Variants in PDE10A observed in about 807,000 individuals in gnomAD.
The protein encoded by PDE10A is cAMP and cAMP-inhibited cGMP 3',5'-cyclic phosphodiesterase 10A.
In PDE10A, 39 loss-of-function variants were observed where a neutral mutation model predicts 97.7. That is an observed-to-expected ratio of 0.40 (90% CI 0.31 to 0.52). The LOEUF (loss-of-function observed/expected upper bound fraction) is 0.52. Among genes scored for constraint, PDE10A ranks in the 20% least tolerant of loss-of-function variants. PDE10A has a pLI of 0.56. For synonymous variants in PDE10A, 371 were observed against 376.8 expected (o/e 0.98, Z 0.18); for missense variants, 731 against 1,047.8 (o/e 0.70, Z 4.17).
At chr6:165,682,276 C>A (rs1386766343) in intron 1 of PDE10A, among the ~76,000 whole-genome samples, 3 of 152,154 alleles carry the variant, frequency 2.0e-5, no homozygotes, top group African/African-American at 7.2e-5. Flanking sequence ...GGACCACAGA[C>A]ATGCACCACC....
intron 1 of PDE10A, among the ~76,000 whole-genome samples, chr6:165,556,665 C>T (rs977702270): frequency 1.3e-5 from 2 of 152,162 alleles, no homozygotes; most frequent in South Asian, 2.1e-4. Flanking sequence ...TAAGTAAATA[C>T]ATTCTGTACC....
At chr6:165,455,376 T>C (rs112637492) in intron 3 of PDE10A, among the ~76,000 whole-genome samples, 41 of 152,208 alleles carry the variant, frequency 2.7e-4, no homozygotes, top group African/African-American at 9.9e-4. Flanking sequence ...GGAACAGACA[T>C]ACTCAGCAGC....
At chr6:165,881,382 TTTTTC>T (rs1190648922) in intron 1 of PDE10A, among the ~76,000 whole-genome samples, 1 of 129,828 alleles carries the variant, frequency 7.7e-6, no homozygotes. Flanking sequence ...TTTCTTTTCT[TTTTTC>T]TTTTCTTTTT....
At chr6:165,935,721 T>C (rs1360417567) in intron 1 of PDE10A, among the ~76,000 whole-genome samples, 2 of 152,194 alleles carry the variant, frequency 1.3e-5, no homozygotes, top group Non-Finnish European at 2.9e-5. Flanking sequence ...GCTCTGCCCT[T>C]ATGAATAGAT....
At chr6:165,617,643 C>A (rs1787789209) in intron 1 of PDE10A, among the ~76,000 whole-genome samples, 1 of 152,044 alleles carries the variant, frequency 6.6e-6, no homozygotes, top group Non-Finnish European at 1.5e-5. Context: ...TCTGCCCACT[C>A]GGGACTAAGG....
intron 1 of PDE10A, among the ~76,000 whole-genome samples, chr6:165,971,533 G>T (rs1271475716): frequency 2.6e-5 from 4 of 152,152 alleles, no homozygotes; most frequent in Admixed American, 6.5e-5. Context: ...GTGACTGTGC[G>T]ACTGTACGTT....
intron 1 of PDE10A, among the ~76,000 whole-genome samples, chr6:165,733,981 TATAGAAATGGCATTTGCTTC>T (rs1156410511): frequency 2.0e-5 from 3 of 152,138 alleles, no homozygotes; most frequent in Admixed American, 6.5e-5. Context: ...AATTTTTGCT[TATAGAAATGGCATTTGCTTC>T]ATGTGTGTGC....
intron 15 of PDE10A, among the ~76,000 whole-genome samples, chr6:165,394,412 G>A (rs1785973680): frequency 6.6e-6 from 1 of 152,000 alleles, no homozygotes; most frequent in African/African-American, 2.4e-5. Flanking sequence ...CTTTTTTATG[G>A]CTGCATAGTA....
At chr6:165,377,264 C>T (rs117844440) in intron 18 of PDE10A, among the ~76,000 whole-genome samples, 28 of 152,124 alleles carry the variant, frequency 1.8e-4, no homozygotes, top group Non-Finnish European at 2.9e-4. Flanking sequence ...TATGCACACA[C>T]GCACACACAC....
At chr6:165,952,096 TTA>T (rs1217851647) in intron 1 of PDE10A, among the ~76,000 whole-genome samples, 1 of 152,222 alleles carries the variant, frequency 6.6e-6, no homozygotes, top group African/African-American at 2.4e-5. Flanking sequence ...GGCAGAGACA[TTA>T]AATGACTTTC....
intron 1 of PDE10A, among the ~76,000 whole-genome samples, chr6:165,783,146 G>T (rs1778390639): frequency 6.6e-6 from 1 of 152,190 alleles, no homozygotes. Flanking sequence ...TACTCAGTTT[G>T]TAAGTGTTTA....
intron 1 of PDE10A, among the ~76,000 whole-genome samples, chr6:165,816,157 G>C (rs1006365460): frequency 1.3e-5 from 2 of 152,190 alleles, no homozygotes; most frequent in Non-Finnish European, 1.5e-5. Flanking sequence ...CACCGTGTTA[G>C]CCAGGATGCT....
chr6:165,783,589 G>A (rs1044080516), intron 1 of PDE10A, among the ~76,000 whole-genome samples: 12 of 54,478 alleles, frequency 2.2e-4, no homozygotes, highest in East Asian at 1.4e-3. Context: ...GAAAGGAAAC[G>A]AGTCACATAG....
At chr6:165,637,377 G>T (rs1393600722) in intron 1 of PDE10A, among the ~76,000 whole-genome samples, 1 of 152,146 alleles carries the variant, frequency 6.6e-6, no homozygotes, top group Non-Finnish European at 1.5e-5. Flanking sequence ...TGCCAGAAAA[G>T]CCACTGCACC....
At chr6:165,967,528 T>A (rs183527173) in intron 1 of PDE10A, among the ~76,000 whole-genome samples, 1 of 152,294 alleles carries the variant, frequency 6.6e-6, no homozygotes, top group East Asian at 1.9e-4. Flanking sequence ...CTGTCAGAAA[T>A]TTTGAACACC....
chr6:165,909,883 C>G (rs1782404844), intron 1 of PDE10A, among the ~76,000 whole-genome samples: 1 of 152,188 alleles, frequency 6.6e-6, no homozygotes, highest in Non-Finnish European at 1.5e-5. Context: ...AACTTCTCCT[C>G]CAAAGGGCTC....
rs1379022208 is a variant in PDE10A, at chr6:165,958,498, CAAGAAAGA to C, written c.-615+29023_-615+29030del. ...AAAGAAAGAGAGAAAGAGAGAAAGA[CAAGAAAGA>C]AAGAAAGAAAGAAAGAAAGAAAGAA... On this transcript the variant is annotated intron_variant, in intron 1 of 19. Transcript: ENST00000366882. 3.4e-3 allele frequency among the ~76,000 whole-genome samples: 198 copies of C among 57,784 alleles called. 3 individuals are homozygous for C. Among genetic ancestry groups the C allele is most frequent in the Middle Eastern group, 0.02 (2 of 98 alleles). 37.9% of individuals were successfully genotyped at this position (57,784 alleles called of 152,430 possible). A position where few individuals can be genotyped will look rare whatever the true frequency, so the allele number is the denominator to read the frequency against.
intron 1 of PDE10A, among the ~76,000 whole-genome samples, chr6:165,801,987 T>C (rs1432097515): frequency 6.6e-6 from 1 of 152,004 alleles, no homozygotes; most frequent in Non-Finnish European, 1.5e-5. Flanking sequence ...AGAGGAAAAA[T>C]GTAAAGGCCT....
chr6:165,869,800 C>T (rs996893837), intron 1 of PDE10A, among the ~76,000 whole-genome samples: 1 of 152,068 alleles, frequency 6.6e-6, no homozygotes, highest in African/African-American at 2.4e-5. Flanking sequence ...CATGTATTTA[C>T]AGCAAACTGA....
Sources: gnomAD v4.1 joint callset for allele counts (sites outside exome capture counted in the v4.1 genomes callset) on GRCh38, gnomAD v4.1.1 for gene constraint, MANE v1.5 for transcripts, NCBI Gene and HGNC (gene_info 2026-07-23, HGNC 2026-07-21) for gene names.